Variants in ADGRL3 observed in about 807,000 individuals in gnomAD.
ADGRL3 encodes adhesion G protein-coupled receptor L3.
ADGRL3 carries 62 observed loss-of-function variants against 153.5 expected under a neutral mutation model. That is an observed-to-expected ratio of 0.40 (90% CI 0.33 to 0.50). ADGRL3 has a LOEUF of 0.50. Ranked by LOEUF, ADGRL3 falls within the 20% of genes least tolerant of loss-of-function variation. The pLI is 0.47. For missense variants in ADGRL3, 1,641 were observed against 1,859.4 expected (o/e 0.88, Z 2.16); for synonymous variants, 710 against 672.5 (o/e 1.06, Z -0.86).
At chr4:61,464,428 A>G (rs2097856939) in intron 2 of ADGRL3, among the ~76,000 whole-genome samples, 1 of 152,158 alleles carries the variant, frequency 6.6e-6, no homozygotes, top group African/African-American at 2.4e-5. Context: ...AGGCTCCCTC[A>G]ATTGACCAGG....
At position 61,857,006 on chromosome 4, in the gene ADGRL3, T is replaced by TTCTTTCTTTCTTTCTTTCTTTCTTTCTC. The variant is rs796589157; in HGVS notation, c.1481-35640_1481-35639insTTTCTTTCTTTCTTTCTCTCTTTCTTTC. 5.3e-5 allele frequency among the ~76,000 whole-genome samples: 6 copies of TTCTTTCTTTCTTTCTTTCTTTCTTTCTC among 112,628 alleles called. 1 individual carries two copies. The highest frequency in any genetic ancestry group is 2.4e-4 in the East Asian group (1 of 4,100). 73.9% of individuals were successfully genotyped at this position (112,628 alleles called of 152,430 possible). A position where few individuals can be genotyped will look rare whatever the true frequency, so the allele number is the denominator to read the frequency against. On this transcript the variant is annotated intron_variant, in intron 9 of 26. Transcript: ENST00000683033. ...TTTCTTTCTTTCTTTCTTTCTTTCT[T>TTCTTTCTTTCTTTCTTTCTTTCTTTCTC]TCTTTCTTTCCTTCCTCCCTTCCTT...
intron 5 of ADGRL3, among the ~76,000 whole-genome samples, chr4:61,604,813 AG>A (rs1377603436): frequency 1.3e-5 from 2 of 152,170 alleles, no homozygotes. Flanking sequence ...AAAAGTGGCC[AG>A]GAACAATGGC....
intron 2 of ADGRL3, among the ~76,000 whole-genome samples, chr4:61,425,138 G>A (rs911183548): frequency 3.9e-5 from 6 of 152,118 alleles, no homozygotes; most frequent in African/African-American, 7.2e-5. Context: ...AGGCTATGGT[G>A]GGCAAATACC....
intron 4 of ADGRL3, among the ~76,000 whole-genome samples, chr4:61,554,254 C>A (rs184061809): frequency 2.0e-5 from 3 of 151,080 alleles, no homozygotes; most frequent in Non-Finnish European, 4.4e-5. Flanking sequence ...AGTGCAGTGG[C>A]GCATTCTTGG....
At chr4:62,060,042 T>C (rs1739228531) in intron 25 of ADGRL3, among the ~76,000 whole-genome samples, 1 of 152,106 alleles carries the variant, frequency 6.6e-6, no homozygotes, top group South Asian at 2.1e-4. Context: ...TTTTTTTGAA[T>C]GATTAATCCT....
intron 1 of ADGRL3, among the ~76,000 whole-genome samples, chr4:61,210,530 T>A (rs1400578056): frequency 7.5e-6 from 1 of 133,736 alleles, no homozygotes; most frequent in African/African-American, 2.7e-5. Context: ...CTGTTTTGTT[T>A]TGATTTGGTT....
At chr4:61,955,691 C>A (rs190347222) in intron 17 of ADGRL3, among the ~76,000 whole-genome samples, 2 of 152,142 alleles carry the variant, frequency 1.3e-5, no homozygotes, top group African/African-American at 2.4e-5. Flanking sequence ...CCCTCACCCC[C>A]CAATCCCACA....
At chr4:61,567,517 G>T (rs1185180240) in intron 4 of ADGRL3, among the ~76,000 whole-genome samples, 1 of 152,140 alleles carries the variant, frequency 6.6e-6, no homozygotes, top group Non-Finnish European at 1.5e-5. Flanking sequence ...AGAAGATGCC[G>T]TCTATGAGGA....
chr4:62,056,390 C>A lies in ADGRL3; in HGVS notation c.3815-11776C>A, dbSNP rs548759190. The stretch of plus-strand genomic sequence containing the variant: ...ATTCCTTTATACCAGTTTTTTAATT[C>A]TTTGTAAAGAAAATAAAAGCCATTG... On this transcript the variant is annotated intron_variant, in intron 25 of 26. Coordinates refer to ENST00000683033, the MANE Select transcript of ADGRL3 (RefSeq NM_001387552.1). Among the ~76,000 whole-genome samples, 30 of 151,634 alleles carry A rather than the reference C, an allele frequency of 2.0e-4. No individual in the cohort carries two copies. In the South Asian group the frequency reaches 4.8e-3, roughly 24 times the overall value.
intron 9 of ADGRL3, among the ~76,000 whole-genome samples, chr4:61,881,920 C>G (rs560190656): frequency 6.6e-6 from 1 of 152,134 alleles, no homozygotes; most frequent in African/African-American, 2.4e-5. Context: ...TAAATCTATA[C>G]CAATTCAACT....
In ADGRL3 at chr4:61,774,953, G is replaced by A. The variant is rs573683787; in HGVS notation, c.1400-38856G>A. ...TTATTATGTGGATTCTTCTGGTGCC[G>A]TCTCCAGGCTGATAAAGGTTTAAAG... On this transcript the variant is annotated intron_variant, in intron 8 of 26. Transcript: ENST00000683033. Among the ~76,000 whole-genome samples, 19 of 152,268 alleles carry A rather than the reference G, an allele frequency of 1.2e-4. 1 individual carries two copies. In the East Asian group the frequency reaches 1.4e-3, roughly 11 times the overall value.
intron 2 of ADGRL3, among the ~76,000 whole-genome samples, chr4:61,386,824 A>T (rs960642944): frequency 1.3e-5 from 2 of 152,188 alleles, no homozygotes; most frequent in Non-Finnish European, 1.5e-5. Context: ...GACAAAATGT[A>T]TGTATTTCCA....
intron 8 of ADGRL3, among the ~76,000 whole-genome samples, chr4:61,759,316 A>G (rs1485473323): frequency 1.3e-5 from 2 of 151,976 alleles, no homozygotes; most frequent in Non-Finnish European, 2.9e-5. Context: ...CACCAATCAG[A>G]CGTAGATTTG....
chr4:61,987,819 T>C (rs1004921872), intron 19 of ADGRL3, among the ~76,000 whole-genome samples: 6 of 152,118 alleles, frequency 3.9e-5, no homozygotes, highest in African/African-American at 1.2e-4. Flanking sequence ...AATAAAACCA[T>C]TGAATATCTA....
chr4:61,381,293 T>G (rs1307724655), intron 1 of ADGRL3, among the ~76,000 whole-genome samples: 13 of 141,374 alleles, frequency 9.2e-5, no homozygotes, highest in African/African-American at 3.5e-4. Flanking sequence ...ATAAACAAGT[T>G]TGTGTGTGTG....
intron 5 of ADGRL3, among the ~76,000 whole-genome samples, chr4:61,647,290 C>G (rs1268285494): frequency 1.3e-5 from 2 of 152,152 alleles, no homozygotes; most frequent in Non-Finnish European, 2.9e-5. Context: ...ATTCGGCCAT[C>G]TTGGCTCCTC....
intron 4 of ADGRL3, among the ~76,000 whole-genome samples, chr4:61,517,826 CTT>C (rs2152904196): frequency 6.6e-6 from 1 of 152,236 alleles, no homozygotes; most frequent in African/African-American, 2.4e-5. Context: ...ACTTTCAACT[CTT>C]GTAAAATTTG....
intron 9 of ADGRL3, among the ~76,000 whole-genome samples, chr4:61,818,505 C>T (rs1300317062): frequency 6.6e-6 from 1 of 152,178 alleles, no homozygotes; most frequent in East Asian, 1.9e-4. Context: ...GGAGCTGTAA[C>T]ACAAACAGGG....
chr4:61,871,005 A>G lies in ADGRL3; in HGVS notation c.1481-21651A>G, dbSNP rs191412421. ...AAAAAAGTGTATACGGGGGCCGGGC[A>G]CGGTGGCTCATGCCTGTAATCCCAG... On this transcript the variant is annotated intron_variant, in intron 9 of 26. Coordinates refer to ENST00000683033, the MANE Select transcript of ADGRL3 (RefSeq NM_001387552.1). 6.1e-3 allele frequency among the ~76,000 whole-genome samples: 932 copies of G among 152,326 alleles called. 4 individuals are homozygous for G. The highest frequency in any genetic ancestry group is 7.0e-3 in the Non-Finnish European group (477 of 68,034).
Sources: gnomAD v4.1 joint callset for allele counts (sites outside exome capture counted in the v4.1 genomes callset) on GRCh38, gnomAD v4.1.1 for gene constraint, MANE v1.5 for transcripts, NCBI Gene and HGNC (gene_info 2026-07-23, HGNC 2026-07-21) for gene names.